Variants in ATP11A observed in about 807,000 individuals in gnomAD.
ATP11A encodes phospholipid-transporting ATPase IH.
ATP11A carries 81 observed loss-of-function variants against 154.4 expected under a neutral mutation model. The ratio of observed to expected loss-of-function variants is 0.52; its 90% CI spans 0.44 to 0.63. The LOEUF (loss-of-function observed/expected upper bound fraction) is 0.63. ATP11A is among the 30% of genes least tolerant of loss of function. The probability of loss-of-function intolerance (pLI) is 0.00; values close to 1 mark genes in which losing one functional copy is unlikely to be tolerated. For synonymous variants in ATP11A, 623 were observed against 585.9 expected (o/e 1.06, Z -0.91); for missense variants, 1,316 against 1,474.3 (o/e 0.89, Z 1.76).
intron 9 of ATP11A, among the ~76,000 whole-genome samples, chr13:112,824,038 T>C (rs2078867726): frequency 6.6e-6 from 1 of 152,230 alleles, no homozygotes; most frequent in Admixed American, 6.5e-5. Context: ...GGGATTTTTT[T>C]CAAATATTTT....
chr13:112,799,763 T>G (rs1204159014), intron 2 of ATP11A, among the ~76,000 whole-genome samples: 1 of 152,196 alleles, frequency 6.6e-6, no homozygotes, highest in Non-Finnish European at 1.5e-5. Flanking sequence ...ACATGGAACA[T>G]TTGCCATGAC....
chr13:112,780,445 C>T (rs1479666664), intron 1 of ATP11A, among the ~76,000 whole-genome samples: 1 of 152,220 alleles, frequency 6.6e-6, no homozygotes, highest in Non-Finnish European at 1.5e-5. Flanking sequence ...CATGGTGTTG[C>T]TTCACACATG....
intron 6 of ATP11A, 53 bp from the exon 7 acceptor site, chr13:112,819,251 G>A (rs1255411639): frequency 6.6e-7 from 1 of 1,519,048 alleles, no homozygotes; most frequent in Non-Finnish European, 9.1e-7. Flanking sequence ...ACCAGCGTCT[G>A]GGTTTGTGTT....
chr13:112,741,275 T>C (rs1471534279), intron 1 of ATP11A, among the ~76,000 whole-genome samples: 1 of 142,394 alleles, frequency 7.0e-6, no homozygotes, highest in Admixed American at 7.0e-5. Context: ...GCCCGGTCCC[T>C]GCGGGGCTGT....
At chr13:112,816,062 C>G (rs1214766662) in intron 5 of ATP11A, 21 bp from the exon 6 acceptor site, 2 of 1,613,738 alleles carry the variant, frequency 1.2e-6, no homozygotes, top group African/African-American at 2.7e-5. Context: ...CATTGACCAT[C>G]CTTTCTGCTT....
intron 2 of ATP11A, among the ~76,000 whole-genome samples, chr13:112,793,424 T>G (rs917606024): frequency 6.6e-6 from 1 of 152,196 alleles, no homozygotes; most frequent in African/African-American, 2.4e-5. Flanking sequence ...GCTGGTCTTG[T>G]ACTCCTGACC....
chr13:112,820,610 G>C (rs2078773939), intron 8 of ATP11A, among the ~76,000 whole-genome samples: 1 of 152,360 alleles, frequency 6.6e-6, no homozygotes, highest in South Asian at 2.1e-4. Context: ...GCTGAGCCCA[G>C]CTCTGAGCAG....
intron 1 of ATP11A, among the ~76,000 whole-genome samples, chr13:112,782,511 A>G (rs1400018329): frequency 6.6e-6 from 1 of 152,216 alleles, no homozygotes; most frequent in Non-Finnish European, 1.5e-5. Flanking sequence ...CTATTTGGCT[A>G]TGTTCTGTGA....
chr13:112,825,700 T>G, intron 11 of ATP11A, 120 bp downstream of exon 11: 2 of 1,199,412 alleles, frequency 1.7e-6, no homozygotes, highest in Non-Finnish European at 2.3e-6. Flanking sequence ...CTTGATTGAT[T>G]CAGTCTCTGT....
chr13:112,857,057 A>G (rs937450749), intron 20 of ATP11A, among the ~76,000 whole-genome samples: 1 of 152,210 alleles, frequency 6.6e-6, no homozygotes, highest in African/African-American at 2.4e-5. Context: ...AACAGCAACT[A>G]AGGATTTGCC....
intron 1 of ATP11A, among the ~76,000 whole-genome samples, chr13:112,693,292 T>C (rs1885404168): frequency 6.6e-6 from 1 of 152,064 alleles, no homozygotes; most frequent in South Asian, 2.1e-4. Context: ...GCTTATGGGG[T>C]AGTGTATGCT....
intron 29 of ATP11A, among the ~76,000 whole-genome samples, chr13:112,879,958 G>A (rs145048652): frequency 6.6e-5 from 10 of 152,352 alleles, no homozygotes; most frequent in Admixed American, 3.3e-4. Flanking sequence ...ACTGTCCCCA[G>A]GAAGGGTGGC....
At position 112,883,003 on chromosome 13, in the gene ATP11A, TC is replaced by T; in HGVS notation, c.*1141del. On this transcript the variant is annotated 3_prime_UTR_variant, in exon 30 of 30. Coordinates refer to ENST00000375645, the MANE Select transcript of ATP11A (RefSeq NM_015205.3). The stretch of plus-strand genomic sequence containing the variant: ...GCCCGCCGGGCTCTGCGTCCCCACG[TC>T]CCCTCGTCCCATCCCCACGTCCCCT... The T allele has an allele frequency of 2.5e-6, 1 of 398,640 alleles. No individual in the cohort carries two copies. Among genetic ancestry groups the T allele is most frequent in the Non-Finnish European group, 4.4e-6 (1 of 226,376 alleles). 24.7% of individuals were successfully genotyped at this position (398,640 alleles called of 1,614,324 possible).
intron 1 of ATP11A, among the ~76,000 whole-genome samples, chr13:112,708,471 G>T (rs76024769): frequency 6.6e-6 from 1 of 152,116 alleles, no homozygotes; most frequent in African/African-American, 2.4e-5. Flanking sequence ...TTTAAAAACC[G>T]CAAGTATAGC....
Position 112,856,081 on chromosome 13 carries a change from C to T in ATP11A, c.2414C>T (p.Ala805Val). The T allele has an allele frequency of 6.2e-7, 1 of 1,611,292 alleles. No individual in the cohort carries two copies. The highest frequency in any genetic ancestry group is 1.1e-5 in the South Asian group (1 of 90,876). ...TGCCGCATGGCGCCCTTGCAGAAGG[C>T]TCAGGTGCTGCCCGCCCGTCCTCGA... is the stretch of plus-strand genomic sequence containing the variant. ...LCCRMAPLQK[A>V]QIVKLIKFSK... The change falls in exon 20 of 30, where the codon GCT (alanine) becomes GTT (valine). Residue 805 changes from alanine (A) to valine (V), a missense_variant. Physicochemically the swap from Ala to Val is moderately conservative, Grantham distance 64. This residue lies in a region of ATP11A where 876 missense variants were observed against 1,006.8 expected (regional missense o/e 0.87). Transcript: ENST00000375645.
intron 1 of ATP11A, among the ~76,000 whole-genome samples, chr13:112,766,594 A>G (rs2077082158): frequency 6.6e-6 from 1 of 151,368 alleles, no homozygotes; most frequent in African/African-American, 2.5e-5. Flanking sequence ...CCACCGTCAC[A>G]TGCTTGCATC....
chr13:112,707,579 TGTA>T (rs1887288330), intron 1 of ATP11A, among the ~76,000 whole-genome samples: 1 of 152,108 alleles, frequency 6.6e-6, no homozygotes, highest in Non-Finnish European at 1.5e-5. Flanking sequence ...AAGAACTCAA[TGTA>T]GCCATTCCAC....
At chr13:112,749,247 G>A (rs931721791) in intron 1 of ATP11A, among the ~76,000 whole-genome samples, 1 of 152,264 alleles carries the variant, frequency 6.6e-6, no homozygotes, top group African/African-American at 2.4e-5. Context: ...CAGCAGCCAA[G>A]TGGAGAGAGC....
chr13:112,792,422 G>A (rs2077885614), intron 2 of ATP11A, among the ~76,000 whole-genome samples: 1 of 152,150 alleles, frequency 6.6e-6, no homozygotes, highest in Admixed American at 6.5e-5. Flanking sequence ...TGGGGTGGCG[G>A]AGGAAATGAT....
Sources: gnomAD v4.1 joint callset for allele counts (sites outside exome capture counted in the v4.1 genomes callset) on GRCh38, gnomAD v4.1.1 for gene constraint, gnomAD v4.1.1 regional missense constraint, MANE v1.5 for transcripts, NCBI Gene and HGNC (gene_info 2026-07-23, HGNC 2026-07-21) for gene names.